ZMYM6: variants seen among roughly 807,000 people sequenced by gnomAD.
ZMYM6 encodes zinc finger MYM-type protein 6.
Under a neutral mutation model 134.0 loss-of-function variants are expected in ZMYM6, and 90 were observed. That is an observed-to-expected ratio of 0.67 (90% CI 0.57 to 0.80). The LOEUF (loss-of-function observed/expected upper bound fraction) is 0.80, where lower values mean the gene tolerates loss of function less well. Ranked by LOEUF, ZMYM6 falls within the 30% of genes least tolerant of loss-of-function variation. The pLI is 0.00. For missense variants in ZMYM6, 1,362 were observed against 1,533.9 expected, an observed-to-expected ratio of 0.89 and a Z score of 1.87; for synonymous variants, 481 against 524.1, an observed-to-expected ratio of 0.92 and a Z score of 1.12.
At chr1:35,019,216 G>C in intron 4 of ZMYM6, 137 bp downstream of exon 4, 1 of 1,289,816 alleles carries the variant, frequency 7.8e-7, no homozygotes, top group Non-Finnish European at 1.1e-6. Context: ...TAAAATTGGT[G>C]AATTCTTCCA....
intron 14 of ZMYM6, among the ~76,000 whole-genome samples, chr1:34,993,190 C>T (rs1316948078): frequency 6.6e-6 from 1 of 151,390 alleles, no homozygotes; most frequent in East Asian, 1.9e-4. Context: ...CAGCTCACTG[C>T]AACCTTCGCC....
At chr1:35,028,284 C>A (rs1036015485) in intron 2 of ZMYM6, among the ~76,000 whole-genome samples, 9 of 150,556 alleles carry the variant, frequency 6.0e-5, no homozygotes, top group Non-Finnish European at 4.4e-5. Flanking sequence ...CCACTGCACT[C>A]CAGCCTGGGA....
rs761988759 is a variant in ZMYM6 at position 35,019,567 on chromosome 1, CA to C, written c.213del (p.Phe71LeufsTer76). On this transcript the variant is annotated frameshift_variant, in exon 4 of 16. Coordinates refer to ENST00000357182, the MANE Select transcript of ZMYM6 (RefSeq NM_007167.4). LOFTEE classifies it high-confidence loss of function. ...AGCAACACACTTGGGCCAGATGATGCAAAAGAAAGCTGAAAGCCTGGGTTCA... is the reference window on the plus strand; with the variant it reads ...AGCAACACACTTGGGCCAGATGATGCAAAGAAAGCTGAAAGCCTGGGTTCA... ...QQLNPGFQLS[F>X]ASSGPSVLLP... The C allele has an allele frequency of 6.2e-7, 1 of 1,601,766 alleles. No homozygotes were observed. The highest frequency in any genetic ancestry group is 8.5e-7 in the Non-Finnish European group (1 of 1,177,078).
intron 11 of ZMYM6, among the ~76,000 whole-genome samples, chr1:35,007,356 C>T (rs1445864894): frequency 6.6e-6 from 1 of 151,752 alleles, no homozygotes; most frequent in Non-Finnish European, 1.5e-5. Flanking sequence ...TTTAGGAGGC[C>T]GAGGTGGGCG....
chr1:35,014,224 C>T (rs1328713131), intron 6 of ZMYM6, among the ~76,000 whole-genome samples: 1 of 152,136 alleles, frequency 6.6e-6, no homozygotes, highest in African/African-American at 2.4e-5. Flanking sequence ...ATCATCTTAA[C>T]TCTTGCTTAT....
At chr1:35,002,542 G>T (rs995122917) in intron 14 of ZMYM6, among the ~76,000 whole-genome samples, 1 of 152,172 alleles carries the variant, frequency 6.6e-6, no homozygotes, top group African/African-American at 2.4e-5. Flanking sequence ...CTTGCAACTT[G>T]TGTTACCAGA....
At position 34,987,736 on chromosome 1, in the gene ZMYM6, A is replaced by C; in HGVS notation, c.3346T>G (p.Leu1116Val). 6.4e-7 allele frequency: 1 copy of C among 1,551,506 alleles called. No individual in the cohort carries two copies. The highest frequency in any genetic ancestry group is 8.7e-7 in the Non-Finnish European group (1 of 1,146,960). Residue 1116 changes from leucine to valine, a missense_variant, in exon 16 of 16, where the codon TTA (leucine) becomes GTA (valine). Leu to Val is a conservative substitution (Grantham distance 32, BLOSUM62 1). Coordinates refer to ENST00000357182, the MANE Select transcript of ZMYM6 (RefSeq NM_007167.4). ...TTTATAAGTGAAAATATATCTGATA[A>C]GTAGGCCAGCTTTCCAACCCATTCC... ...DEEWVGKLAY[L>V]SDIFSLINEL...
chr1:35,012,038 G>A, intron 7 of ZMYM6, 33 bp from the exon 8 acceptor site: 1 of 1,353,586 alleles, frequency 7.4e-7, no homozygotes, highest in Non-Finnish European at 1.0e-6. Context: ...CAATGATTAA[G>A]TTATACCAAT....
chr1:35,026,181 C>T (rs529489155), intron 2 of ZMYM6, among the ~76,000 whole-genome samples: 96 of 151,864 alleles, frequency 6.3e-4, no homozygotes, highest in African/African-American at 2.1e-3. Context: ...CCACCGCGCC[C>T]GGCTAATTGT....
chr1:34,992,063 G>C (rs1249580422), intron 15 of ZMYM6, 171 bp downstream of exon 15: 5 of 809,880 alleles, frequency 6.2e-6, no homozygotes. Context: ...CTGGTTATTA[G>C]TGTTAATAAT....
intron 14 of ZMYM6, 102 bp downstream of exon 14, chr1:35,003,866 T>C: frequency 9.5e-7 from 1 of 1,053,592 alleles, no homozygotes; most frequent in East Asian, 2.6e-5. Context: ...AGGACCCTCT[T>C]CCAGCAAAAA....
At chr1:35,021,243 C>T (rs549736828) in intron 2 of ZMYM6, among the ~76,000 whole-genome samples, 5 of 150,578 alleles carry the variant, frequency 3.3e-5, no homozygotes, top group Admixed American at 6.6e-5. Flanking sequence ...CAGGTTCAAG[C>T]GATTCTCCTG....
At chr1:35,000,470 C>A (rs1235107747) in intron 14 of ZMYM6, among the ~76,000 whole-genome samples, 2 of 151,484 alleles carry the variant, frequency 1.3e-5, no homozygotes, top group Non-Finnish European at 2.9e-5. Context: ...AACCCCTGAG[C>A]TCAAGAGATC....
chr1:35,017,011 A>C (rs1317643859), intron 4 of ZMYM6, among the ~76,000 whole-genome samples: 2 of 152,110 alleles, frequency 1.3e-5, no homozygotes, highest in Admixed American at 6.6e-5. Context: ...TCTCAAAAAA[A>C]AAAAAAAATC....
At chr1:34,989,016 T>C in intron 15 of ZMYM6, 81 bp from the exon 16 acceptor site, 3 of 1,526,954 alleles carry the variant, frequency 2.0e-6, no homozygotes, top group Non-Finnish European at 2.6e-6. Flanking sequence ...ATATTTAAAA[T>C]TCATATTTTG....
chr1:34,995,725 C>T (rs190638026), intron 14 of ZMYM6, among the ~76,000 whole-genome samples: 168 of 152,232 alleles, frequency 1.1e-3, no homozygotes, highest in African/African-American at 3.1e-3. Context: ...TTAAAACTTA[C>T]GAATTGTTTA....
chr1:35,006,097 T>C (rs1359878684), intron 12 of ZMYM6, among the ~76,000 whole-genome samples: 1 of 152,150 alleles, frequency 6.6e-6, no homozygotes, highest in Non-Finnish European at 1.5e-5. Context: ...AACCTCCATC[T>C]CTTGGGTTCC....
At chr1:35,008,540 T>C (rs1466942478) in intron 11 of ZMYM6, among the ~76,000 whole-genome samples, 2 of 152,150 alleles carry the variant, frequency 1.3e-5, no homozygotes, top group African/African-American at 4.8e-5. Flanking sequence ...AAAAGGAACA[T>C]ATCCAACCAA....
chr1:35,003,700 T>C (rs1409956968), intron 14 of ZMYM6, among the ~76,000 whole-genome samples: 1 of 152,162 alleles, frequency 6.6e-6, no homozygotes, highest in Non-Finnish European at 1.5e-5. Context: ...AAGCACACCA[T>C]CTATTACTCC....
Sources: allele counts gnomAD v4.1 joint callset (sites outside exome capture counted in the v4.1 genomes callset), GRCh38; gene constraint gnomAD v4.1.1; transcripts MANE v1.5; gene names NCBI Gene and HGNC (gene_info 2026-07-23, HGNC 2026-07-21).